The following HS2ST1 variants were observed in gnomAD, a reference collection of about 807,000 sequenced individuals.
The protein encoded by HS2ST1 is 2-O-sulfotransferase.
A neutral mutation model predicts 42.9 loss-of-function variants in HS2ST1; 18 were observed. The observed-to-expected ratio is 0.42, with a 90% CI of 0.29 to 0.62. HS2ST1 has a LOEUF of 0.62. Ranked by LOEUF, HS2ST1 falls within the 20% of genes least tolerant of loss-of-function variation. HS2ST1 has a pLI of 0.21. For synonymous variants in HS2ST1, 146 were observed against 152.9 expected, an observed-to-expected ratio of 0.95 and a Z score of 0.33; for missense variants, 334 against 433.8, an observed-to-expected ratio of 0.77 and a Z score of 2.04.
chr1:87,081,986 AAAAAAAAG>A (rs1243790652), intron 2 of HS2ST1, among the ~76,000 whole-genome samples: 6 of 149,884 alleles, frequency 4.0e-5, no homozygotes, highest in Admixed American at 1.3e-4. Flanking sequence ...AAAAAAAAAG[AAAAAAAAG>A]AAAAAAAAAG....
chr1:86,997,809 T>C (rs1033591990), intron 1 of HS2ST1, among the ~76,000 whole-genome samples: 5 of 152,192 alleles, frequency 3.3e-5, no homozygotes. Context: ...GGAACAATAA[T>C]GTCCTGAGTG....
chr1:87,073,756 A>T (rs76641394), intron 2 of HS2ST1, among the ~76,000 whole-genome samples: 3,735 of 152,322 alleles, frequency 0.025, 50 homozygotes, highest in South Asian at 0.057. Flanking sequence ...TATGAAATAA[A>T]ATTTGCTCAT....
chr1:86,963,650 G>T (rs894796790), intron 1 of HS2ST1, among the ~76,000 whole-genome samples: 15 of 150,284 alleles, frequency 1.0e-4, no homozygotes, highest in African/African-American at 3.7e-4. Context: ...ATCATGGCCC[G>T]TTCTCAGTGA....
chr1:87,052,294 T>C (rs1426482689), intron 1 of HS2ST1, among the ~76,000 whole-genome samples: 1 of 152,074 alleles, frequency 6.6e-6, no homozygotes, highest in African/African-American at 2.4e-5. Context: ...GTCTTAACAA[T>C]GGGTAGTGTA....
intron 4 of HS2ST1, among the ~76,000 whole-genome samples, chr1:87,097,211 C>T (rs1226819981): frequency 6.6e-6 from 1 of 152,142 alleles, no homozygotes; most frequent in South Asian, 2.1e-4. Context: ...TCCACAAATG[C>T]TACTTCAGGA....
At chr1:87,052,668 C>G (rs1484993041) in intron 1 of HS2ST1, among the ~76,000 whole-genome samples, 1 of 152,054 alleles carries the variant, frequency 6.6e-6, no homozygotes, top group Admixed American at 6.5e-5. Flanking sequence ...TCCAGTTAGT[C>G]CAATAGAATC....
intron 3 of HS2ST1, among the ~76,000 whole-genome samples, chr1:87,090,443 G>A (rs78522124): frequency 0.027 from 4,113 of 152,054 alleles, 198 homozygotes; most frequent in African/African-American, 0.093. Context: ...GACTTATAAT[G>A]CTGTTGGGGA....
intron 4 of HS2ST1, among the ~76,000 whole-genome samples, 185 bp from the exon 5 acceptor site, chr1:87,097,653 A>C (rs554395703): frequency 2.6e-4 from 40 of 152,278 alleles, no homozygotes; most frequent in African/African-American, 9.6e-4. Context: ...CGGCCTCCCA[A>C]AGTGCTGGGA....
At chr1:87,018,913 A>G (rs557545786) in intron 1 of HS2ST1, among the ~76,000 whole-genome samples, 3 of 152,250 alleles carry the variant, frequency 2.0e-5, no homozygotes, top group African/African-American at 7.2e-5. Context: ...TCTAATTTCT[A>G]ATTGGACCTT....
intron 1 of HS2ST1, chr1:87,045,306 A>G (rs879121423): frequency 2.7e-5 from 31 of 1,165,484 alleles, no homozygotes; most frequent in East Asian, 1.4e-4. Flanking sequence ...GCTTGAAGCC[A>G]GCTGCAATTT....
intron 1 of HS2ST1, among the ~76,000 whole-genome samples, chr1:86,957,172 C>G (rs1356574227): frequency 6.6e-6 from 1 of 152,070 alleles, no homozygotes; most frequent in Admixed American, 6.6e-5. Context: ...GTCTAAGTTT[C>G]TTGAATAAAT....
intron 1 of HS2ST1, among the ~76,000 whole-genome samples, chr1:86,958,933 A>G (rs1173312319): frequency 6.6e-6 from 1 of 152,238 alleles, no homozygotes; most frequent in Non-Finnish European, 1.5e-5. Flanking sequence ...CTGGTTCAAC[A>G]TGTGGAAATC....
intron 1 of HS2ST1, among the ~76,000 whole-genome samples, chr1:87,030,079 G>A (rs1470778904): frequency 6.6e-6 from 1 of 152,120 alleles, no homozygotes; most frequent in Non-Finnish European, 1.5e-5. Flanking sequence ...TTGCCAGTTT[G>A]TAGGACTTGC....
At chr1:87,063,311 G>A (rs1651163221) in intron 1 of HS2ST1, among the ~76,000 whole-genome samples, 2 of 151,956 alleles carry the variant, frequency 1.3e-5, no homozygotes, top group Non-Finnish European at 2.9e-5. Flanking sequence ...CCCATTCACT[G>A]AGCTTTTTAT....
chr1:87,046,258 G>T, intron 1 of HS2ST1: 1 of 774,500 alleles, frequency 1.3e-6, no homozygotes, highest in South Asian at 1.3e-5. Context: ...GTGACCAAGT[G>T]TTACGAATGT....
chr1:87,028,063 G>C (rs989621970), intron 1 of HS2ST1, among the ~76,000 whole-genome samples: 7 of 152,166 alleles, frequency 4.6e-5, no homozygotes, highest in African/African-American at 1.7e-4. Context: ...ATTAATTGTT[G>C]CCTCCCTTTC....
chr1:87,086,255 A>G (rs1233966872), intron 3 of HS2ST1, among the ~76,000 whole-genome samples: 4 of 152,128 alleles, frequency 2.6e-5, no homozygotes, highest in African/African-American at 4.8e-5. Context: ...CGCATACTCA[A>G]GTCCCTCCGT....
intron 1 of HS2ST1, among the ~76,000 whole-genome samples, chr1:86,915,820 C>T (rs946396009): frequency 1.3e-5 from 2 of 152,152 alleles, no homozygotes; most frequent in African/African-American, 4.8e-5. Context: ...TTAAATTCTT[C>T]TTTAGTGGCG....
chr1:87,011,770 A>G (rs1649604032), intron 1 of HS2ST1, among the ~76,000 whole-genome samples: 1 of 152,250 alleles, frequency 6.6e-6, no homozygotes, highest in Admixed American at 6.5e-5. Context: ...TGGTAGCACT[A>G]CAGTCCAAAG....
Sources: gnomAD v4.1 joint callset for allele counts (sites outside exome capture counted in the v4.1 genomes callset) on GRCh38, gnomAD v4.1.1 for gene constraint, MANE v1.5 for transcripts, NCBI Gene and HGNC (gene_info 2026-07-23, HGNC 2026-07-21) for gene names.